Variants in CUBN observed in about 807,000 individuals in gnomAD.
CUBN encodes cubilin.
Under a neutral mutation model 405.3 loss-of-function variants are expected in CUBN, and 282 were observed. The ratio of observed to expected loss-of-function variants is 0.70; its 90% CI spans 0.63 to 0.77. The LOEUF is 0.77. CUBN is among the 30% of genes least tolerant of loss of function. CUBN has a pLI of 0.00. For synonymous variants in CUBN, 1,684 were observed against 1,617.0 expected (o/e 1.04, Z -0.99); for missense variants, 4,514 against 4,475.2 (o/e 1.01, Z -0.25).
chr10:17,067,053 T>C (rs1835626451), intron 21 of CUBN, among the ~76,000 whole-genome samples: 2 of 152,128 alleles, frequency 1.3e-5, no homozygotes, highest in South Asian at 4.1e-4. Flanking sequence ...TCATGAATAC[T>C]TACAGGAATA....
intron 5 of CUBN, 54 bp downstream of exon 5, chr10:17,123,534 G>A (rs745945141): frequency 1.5e-6 from 2 of 1,320,590 alleles, no homozygotes; most frequent in Admixed American, 3.5e-5. Flanking sequence ...TGATTCCAAG[G>A]AAACCACAGA....
chr10:16,874,536 C>T (rs774582517), intron 57 of CUBN, 33 bp from the exon 58 acceptor site: 3 of 1,613,494 alleles, frequency 1.9e-6, no homozygotes, highest in South Asian at 2.2e-5. Flanking sequence ...ATGAAGAGAA[C>T]AACGATTAGT....
At chr10:16,837,320 AAGGG>A (rs988475572) in intron 62 of CUBN, among the ~76,000 whole-genome samples, 4 of 151,784 alleles carry the variant, frequency 2.6e-5, no homozygotes, top group African/African-American at 9.7e-5. Context: ...GCCTCGGGGG[AAGGG>A]AGGGAGGCTC....
In CUBN at chr10:16,840,567, C is replaced by T; in HGVS notation, c.9827-32G>A. Reference sequence around the variant, plus strand: ...AGGGAGGAAAAAGCAACACAGGAGACATTTTATTCATGTCTCATCTCAGGC... The same window carrying T: ...AGGGAGGAAAAAGCAACACAGGAGATATTTTATTCATGTCTCATCTCAGGC... On this transcript the variant is annotated intron_variant, in intron 61 of 66. Coordinates refer to ENST00000377833, the MANE Select transcript of CUBN (RefSeq NM_001081.4). The T allele has an allele frequency of 3.3e-6, 5 of 1,495,546 alleles. No individual in the cohort carries two copies. The South Asian group carries it at 6.0e-5, about 18-fold the overall frequency. 92.6% of individuals were successfully genotyped at this position (1,495,546 alleles called of 1,614,324 possible).
At chr10:17,096,533 C>T (rs951379288) in intron 14 of CUBN, among the ~76,000 whole-genome samples, 2 of 151,936 alleles carry the variant, frequency 1.3e-5, no homozygotes, top group African/African-American at 4.8e-5. Flanking sequence ...GAACAAAAAG[C>T]TGGCAAATCT....
At chr10:17,067,045 A>T (rs1835626351) in intron 21 of CUBN, among the ~76,000 whole-genome samples, 1 of 152,188 alleles carries the variant, frequency 6.6e-6, no homozygotes, top group Non-Finnish European at 1.5e-5. Context: ...AACAACGCTC[A>T]TGAATACTTA....
At chr10:17,076,766 C>T (rs1292707887) in intron 17 of CUBN, among the ~76,000 whole-genome samples, 1 of 152,172 alleles carries the variant, frequency 6.6e-6, no homozygotes, top group Admixed American at 6.5e-5. Flanking sequence ...CCATCTTTTA[C>T]TTTTCCCCCA....
intron 36 of CUBN, among the ~76,000 whole-genome samples, chr10:16,942,784 AAAGGG>A (rs144169849): frequency 3.1e-4 from 44 of 140,138 alleles, no homozygotes; most frequent in African/African-American, 9.2e-4. Context: ...GGTAAAGGAA[AAAGGG>A]AAGGGAAGGG....
intron 58 of CUBN, among the ~76,000 whole-genome samples, chr10:16,870,946 T>G (rs1470545299): frequency 6.6e-6 from 1 of 152,214 alleles, no homozygotes; most frequent in Non-Finnish European, 1.5e-5. Flanking sequence ...AGTTTTGTGG[T>G]GGGTTTATTA....
chr10:16,895,895 C>T (rs932228661), intron 54 of CUBN, among the ~76,000 whole-genome samples: 39 of 152,094 alleles, frequency 2.6e-4, no homozygotes, highest in African/African-American at 9.4e-4. Flanking sequence ...AGTTCTGTGT[C>T]TACATTTTAT....
chr10:16,902,217 GTA>G (rs1047817665), intron 51 of CUBN, among the ~76,000 whole-genome samples: 70 of 125,950 alleles, frequency 5.6e-4, no homozygotes, highest in African/African-American at 6.5e-4. Flanking sequence ...TATATATATA[GTA>G]TATATATGTA....
intron 44 of CUBN, 55 bp downstream of exon 44, chr10:16,919,908 C>G (rs776084769): frequency 6.4e-7 from 1 of 1,555,188 alleles, no homozygotes; most frequent in Non-Finnish European, 8.8e-7. Context: ...TGAGACATGA[C>G]GGTTAAAAAA....
chr10:17,058,777 C>T (rs962009882), intron 22 of CUBN, among the ~76,000 whole-genome samples: 2 of 152,044 alleles, frequency 1.3e-5, no homozygotes, highest in Admixed American at 1.3e-4. Context: ...TTGGTTTCCT[C>T]TTGTGATTTT....
At chr10:16,976,269 T>C (rs11254312) in intron 31 of CUBN, among the ~76,000 whole-genome samples, 3 of 151,892 alleles carry the variant, frequency 2.0e-5, no homozygotes, top group Admixed American at 2.0e-4. Flanking sequence ...ACCATACACA[T>C]CCTCACCTTC....
intron 27 of CUBN, among the ~76,000 whole-genome samples, chr10:17,036,487 C>T (rs1206165062): frequency 6.6e-6 from 1 of 152,088 alleles, no homozygotes; most frequent in Non-Finnish European, 1.5e-5. Context: ...GAGGTGTGAG[C>T]CTTCTCAAAG....
At chr10:17,018,337 T>A (rs753092773) in intron 28 of CUBN, among the ~76,000 whole-genome samples, 2 of 152,174 alleles carry the variant, frequency 1.3e-5, no homozygotes, top group Non-Finnish European at 2.9e-5. Context: ...GGGTTCTTGG[T>A]CTCGCTGACT....
intron 28 of CUBN, among the ~76,000 whole-genome samples, chr10:17,018,120 G>A (rs543988204): frequency 1.1e-4 from 17 of 151,940 alleles, no homozygotes; most frequent in South Asian, 2.1e-4. Flanking sequence ...TTAGAGAGCC[G>A]TTTCCCAGAA....
In CUBN at chr10:17,052,786, AAGAG is replaced by A. The variant is rs71505102; in HGVS notation, c.3140-5187_3140-5184del. 1.3e-3 allele frequency among the ~76,000 whole-genome samples: 145 copies of A among 110,910 alleles called. 1 individual carries two copies. Among genetic ancestry groups the A allele is most frequent in the African/African-American group, 4.8e-3 (128 of 26,930 alleles). The allele number at this position is 110,910 out of a possible 152,430, so 72.8% of individuals were successfully genotyped here. ...AAAAAAAAAAAAAAAAAAAAAAAAA[AAGAG>A]AGAGAGAGAGAGAGAATTAGTGATT... On this transcript the variant is annotated intron_variant, in intron 22 of 66. Coordinates refer to ENST00000377833, the MANE Select transcript of CUBN (RefSeq NM_001081.4).
At chr10:16,900,922 T>A in intron 52 of CUBN, 72 bp from the exon 53 acceptor site, 1 of 1,021,384 alleles carries the variant, frequency 9.8e-7, no homozygotes, top group South Asian at 1.4e-5. Context: ...CCCTTACAAA[T>A]CGTTTAATTT....
Sources: allele counts gnomAD v4.1 joint callset (sites outside exome capture counted in the v4.1 genomes callset), GRCh38; gene constraint gnomAD v4.1.1; transcripts MANE v1.5; gene names NCBI Gene and HGNC (gene_info 2026-07-23, HGNC 2026-07-21).